CSMD3: variants seen among roughly 807,000 people sequenced by gnomAD.
CSMD3 encodes CUB and sushi domain-containing protein 3.
CSMD3 carries 177 observed loss-of-function variants against 435.2 expected under a neutral mutation model. That is an observed-to-expected ratio of 0.41 (90% CI 0.36 to 0.46). CSMD3 has a LOEUF of 0.46. Among genes scored for constraint, CSMD3 ranks in the 20% least tolerant of loss-of-function variants. The pLI is 0.34. For missense variants in CSMD3, 4,265 were observed against 4,504.6 expected (o/e 0.95, Z 1.52); for synonymous variants, 1,656 against 1,520.5 (o/e 1.09, Z -2.07).
chr8:112,984,726 C>A (rs186191152), intron 6 of CSMD3, among the ~76,000 whole-genome samples: 3 of 152,036 alleles, frequency 2.0e-5, no homozygotes, highest in African/African-American at 7.2e-5. Flanking sequence ...CAAACTACTT[C>A]GGCTTTACAT....
At chr8:112,861,200 A>G (rs544503346) in intron 10 of CSMD3, among the ~76,000 whole-genome samples, 1 of 151,818 alleles carries the variant, frequency 6.6e-6, no homozygotes, top group East Asian at 1.9e-4. Context: ...GATAATAGCT[A>G]CTGAACCCCT....
intron 58 of CSMD3, among the ~76,000 whole-genome samples, chr8:112,282,822 A>T (rs1818793555): frequency 6.6e-6 from 1 of 152,138 alleles, no homozygotes; most frequent in Non-Finnish European, 1.5e-5. Context: ...TTGCCTCTGC[A>T]ATATTGACAT....
chr8:112,749,170 C>T (rs1217329461), intron 13 of CSMD3, among the ~76,000 whole-genome samples: 1 of 151,982 alleles, frequency 6.6e-6, no homozygotes, highest in Non-Finnish European at 1.5e-5. Context: ...AGTCCTTTGC[C>T]CACTTTTTGA....
At chr8:113,055,617 T>C (rs1354484703) in intron 5 of CSMD3, among the ~76,000 whole-genome samples, 1 of 152,224 alleles carries the variant, frequency 6.6e-6, no homozygotes, top group Non-Finnish European at 1.5e-5. Context: ...GTGAATTGTA[T>C]GTTAAAATCA....
At chr8:112,293,583 C>G (rs1586678415) in intron 54 of CSMD3, among the ~76,000 whole-genome samples, 1 of 152,004 alleles carries the variant, frequency 6.6e-6, no homozygotes, top group African/African-American at 2.4e-5. Context: ...ATCAATCTTA[C>G]TGGTTTCTTC....
chr8:113,009,254 C>T (rs1365405398), intron 6 of CSMD3, among the ~76,000 whole-genome samples: 3 of 151,472 alleles, frequency 2.0e-5, no homozygotes, highest in Admixed American at 6.6e-5. Context: ...TGCTACCATG[C>T]AAACAACTTT....
At position 113,428,214 on chromosome 8, in the gene CSMD3, A is replaced by G. The variant is rs867985061; in HGVS notation, c.178+8463T>C. 3.9e-3 allele frequency among the ~76,000 whole-genome samples: 388 copies of G among 98,934 alleles called. 4 individuals carry two copies. Among genetic ancestry groups the G allele is most frequent in the African/African-American group, 0.012 (357 of 30,862 alleles). 64.9% of individuals were successfully genotyped at this position (98,934 alleles called of 152,430 possible). On this transcript the variant is annotated intron_variant, in intron 1 of 70. Coordinates refer to ENST00000297405, the MANE Select transcript of CSMD3 (RefSeq NM_198123.2). ...TACTCCAACTGTGGGATATCTATCTATCTATCTATCTATCTATCTATCTAT... is the reference window on the plus strand; with the variant it reads ...TACTCCAACTGTGGGATATCTATCTGTCTATCTATCTATCTATCTATCTAT...
chr8:113,001,685 G>A lies in CSMD3; in HGVS notation c.1030+17382C>T, dbSNP rs181300235. ...ATACACACACTATATGTATATACAG[G>A]AAGTCCTCACTTAACATCATTAATA... On this transcript the variant is annotated intron_variant, in intron 6 of 70. Coordinates refer to ENST00000297405, the MANE Select transcript of CSMD3 (RefSeq NM_198123.2). 3.9e-5 allele frequency among the ~76,000 whole-genome samples: 6 copies of A among 152,080 alleles called. No homozygotes were observed. The East Asian group carries it at 1.2e-3, about 29-fold the overall frequency.
intron 3 of CSMD3, among the ~76,000 whole-genome samples, chr8:113,205,045 G>A (rs759113938): frequency 2.0e-5 from 3 of 151,808 alleles, no homozygotes; most frequent in South Asian, 2.1e-4. Flanking sequence ...GTGCAGTGGC[G>A]TGATTTCGGC....
intron 22 of CSMD3, among the ~76,000 whole-genome samples, chr8:112,610,480 A>C (rs1563765890): frequency 6.6e-6 from 1 of 152,148 alleles, no homozygotes; most frequent in Non-Finnish European, 1.5e-5. Flanking sequence ...TTCAAATGGC[A>C]GTGATCAATA....
intron 30 of CSMD3, among the ~76,000 whole-genome samples, chr8:112,499,898 C>T (rs1168361532): frequency 6.6e-6 from 1 of 151,836 alleles, no homozygotes; most frequent in Non-Finnish European, 1.5e-5. Flanking sequence ...ATCATGAGGT[C>T]AGGAGTTTGA....
At chr8:112,709,458 T>C (rs1269232148) in intron 13 of CSMD3, among the ~76,000 whole-genome samples, 1 of 151,984 alleles carries the variant, frequency 6.6e-6, no homozygotes, top group Non-Finnish European at 1.5e-5. Flanking sequence ...AATAGAGATG[T>C]GATTAACAAA....
chr8:112,319,344 T>G (rs2130863450), intron 46 of CSMD3, among the ~76,000 whole-genome samples: 1 of 152,240 alleles, frequency 6.6e-6, no homozygotes, highest in Non-Finnish European at 1.5e-5. Context: ...ATCAATATAA[T>G]AATAATAATG....
chr8:112,385,074 G>A (rs1464052455), intron 36 of CSMD3, among the ~76,000 whole-genome samples: 2 of 152,048 alleles, frequency 1.3e-5, no homozygotes, highest in South Asian at 2.1e-4. Flanking sequence ...CTACAGTGGG[G>A]GGTATTTACA....
chr8:113,322,475 A>G (rs1190997285), intron 1 of CSMD3, among the ~76,000 whole-genome samples: 1 of 152,186 alleles, frequency 6.6e-6, no homozygotes, highest in African/African-American at 2.4e-5. Context: ...GTATTCGTGT[A>G]GGCCTGTTTT....
At chr8:112,531,574 T>G (rs954721065) in intron 27 of CSMD3, among the ~76,000 whole-genome samples, 1 of 152,042 alleles carries the variant, frequency 6.6e-6, no homozygotes, top group Admixed American at 6.6e-5. Context: ...CCAAGAAATT[T>G]TCCATGATCT....
At chr8:112,776,858 C>T (rs1006695013) in intron 13 of CSMD3, among the ~76,000 whole-genome samples, 5 of 151,580 alleles carry the variant, frequency 3.3e-5, no homozygotes, top group African/African-American at 4.8e-5. Context: ...TTGATTCACT[C>T]GTGTGTAAAG....
At chr8:113,229,143 G>A (rs1487246645) in intron 3 of CSMD3, among the ~76,000 whole-genome samples, 4 of 151,424 alleles carry the variant, frequency 2.6e-5, no homozygotes, top group Non-Finnish European at 5.9e-5. Flanking sequence ...CAATTTTTCT[G>A]TTTCAATAAT....
chr8:112,890,434 A>G (rs984393453), intron 10 of CSMD3, among the ~76,000 whole-genome samples: 2 of 151,720 alleles, frequency 1.3e-5, no homozygotes, highest in African/African-American at 2.4e-5. Flanking sequence ...TCCTGATGCC[A>G]GAAACAATGC....
Sources: allele counts gnomAD v4.1 joint callset (sites outside exome capture counted in the v4.1 genomes callset), GRCh38; gene constraint gnomAD v4.1.1; transcripts MANE v1.5; gene names NCBI Gene and HGNC (gene_info 2026-07-23, HGNC 2026-07-21).